PCBP2: variants seen among roughly 807,000 people sequenced by gnomAD.
The protein encoded by PCBP2 is poly(rC)-binding protein 2.
In PCBP2, 4 loss-of-function variants were observed where a neutral mutation model predicts 50.1. The observed-to-expected ratio is 0.08, with a 90% CI of 0.04 to 0.18. PCBP2 has a LOEUF of 0.18. Ranked by LOEUF, PCBP2 falls within the 10% of genes least tolerant of loss-of-function variation. The probability of loss-of-function intolerance (pLI) is 1.00; values close to 1 mark genes in which losing one functional copy is unlikely to be tolerated. For synonymous variants in PCBP2, 179 were observed against 168.0 expected, an observed-to-expected ratio of 1.07 and a Z score of -0.51; for missense variants, 161 against 474.3, an observed-to-expected ratio of 0.34 and a Z score of 6.14.
In PCBP2 at chr12:53,477,665, C is replaced by CAAAAAAAAAAAA. The variant is rs61213286; in HGVS notation, c.1053-1723_1053-1712dup. Among the ~76,000 whole-genome samples, 20 of 52,888 alleles carry CAAAAAAAAAAAA rather than the reference C, an allele frequency of 3.8e-4. 1 individual carries two copies. The East Asian group carries it at 4.9e-3, about 13-fold the overall frequency. 34.7% of individuals were successfully genotyped at this position (52,888 alleles called of 152,430 possible). A position where few individuals can be genotyped will look rare whatever the true frequency, so the allele number is the denominator to read the frequency against. On this transcript the variant is annotated intron_variant, in intron 14 of 14. Coordinates refer to ENST00000546463, the MANE Select transcript of PCBP2 (RefSeq NM_031989.5). ...TGGGTGACAAAGCAAGACTCTGTCT[C>CAAAAAAAAAAAA]AAAAAAAAAAAAAAAAAAAAAAAAA... is the stretch of plus-strand genomic sequence containing the variant.
chr12:53,457,932 T>G (rs938086803), intron 5 of PCBP2, among the ~76,000 whole-genome samples: 3 of 152,140 alleles, frequency 2.0e-5, no homozygotes, highest in South Asian at 2.1e-4. Flanking sequence ...AGGTTTGTTT[T>G]TTTTGTTTGT....
rs910902185 is a variant in PCBP2 at position 53,474,313 on chromosome 12, A to G, written c.1052+2506A>G. ...CATTCTTTGAAATTTGAAATTAGTC[A>G]GTGACCTACTTTGGACTCTTGTCTC... is the stretch of plus-strand genomic sequence containing the variant. On this transcript the variant is annotated intron_variant, in intron 14 of 14. Coordinates refer to ENST00000546463, the MANE Select transcript of PCBP2 (RefSeq NM_031989.5). Among the ~76,000 whole-genome samples, 42 of 152,244 alleles carry G rather than the reference A, an allele frequency of 2.8e-4. 2 individuals are homozygous for G. The highest frequency in any genetic ancestry group is 1.5e-5 in the Non-Finnish European group (1 of 68,042).
chr12:53,466,103 C>G, intron 10 of PCBP2, 130 bp downstream of exon 10: 1 of 775,022 alleles, frequency 1.3e-6, no homozygotes, highest in Non-Finnish European at 2.3e-6. Context: ...GTTTTCTTCA[C>G]AAGGTCAATC....
chr12:53,476,323 C>A (rs533643029), intron 14 of PCBP2, among the ~76,000 whole-genome samples: 4 of 152,256 alleles, frequency 2.6e-5, no homozygotes, highest in Non-Finnish European at 4.4e-5. Flanking sequence ...CCTCATTTTA[C>A]AGATTAAAAA....
intron 9 of PCBP2, among the ~76,000 whole-genome samples, chr12:53,465,463 A>C (rs1391508207): frequency 6.6e-6 from 1 of 152,136 alleles, no homozygotes; most frequent in Non-Finnish European, 1.5e-5. Flanking sequence ...ATAGAGAAAT[A>C]AGTTGGAGAA....
At chr12:53,475,827 G>A (rs757193000) in intron 14 of PCBP2, 1 of 152,212 alleles carries the variant, frequency 6.6e-6, no homozygotes. Flanking sequence ...GATCCTGAAG[G>A]TCCTCTGTAA....
rs752019559 is a variant in PCBP2, at chr12:53,459,266, C to T, written c.244-6C>T. On this transcript the variant is annotated splice_polypyrimidine_tract_variant and splice_region_variant and intron_variant, in intron 5 of 14. Coordinates refer to ENST00000546463, the MANE Select transcript of PCBP2 (RefSeq NM_031989.5). ...CTGCTTATTGTGGTGTTCTTTCTTT[C>T]TGTAGGACATAAGCAGCTCTATGAC... 1 of 1,595,470 alleles carries T rather than the reference C, an allele frequency of 6.3e-7. No homozygotes were observed. The highest frequency in any genetic ancestry group is 8.5e-7 in the Non-Finnish European group (1 of 1,170,604).
chr12:53,480,501 A>C lies in PCBP2; in HGVS notation c.*1059A>C, dbSNP rs1039857881. The C allele has an allele frequency of 3.3e-5, 5 of 152,576 alleles. No homozygotes were observed. Among genetic ancestry groups the C allele is most frequent in the African/African-American group, 1.2e-4 (5 of 41,424 alleles). The allele number at this position is 152,576 out of a possible 1,614,324, so 9.5% of individuals were successfully genotyped here. A position where few individuals can be genotyped will look rare whatever the true frequency, so the allele number is the denominator to read the frequency against. ...GAAAACCCTCAACAGCTGGGCCTGC[A>C]TGGAGTGTTATATTTCAAGGTTTTT... On this transcript the variant is annotated 3_prime_UTR_variant, in exon 15 of 15. Coordinates refer to ENST00000546463, the MANE Select transcript of PCBP2 (RefSeq NM_031989.5).
chr12:53,458,239 T>A (rs1941188815), intron 5 of PCBP2, among the ~76,000 whole-genome samples: 1 of 152,114 alleles, frequency 6.6e-6, no homozygotes. Flanking sequence ...GTTTTTAGTT[T>A]TCTAACAGGG....
chr12:53,471,927 T>G (rs1413717898), intron 14 of PCBP2, 120 bp downstream of exon 14: 4 of 764,142 alleles, frequency 5.2e-6, no homozygotes, highest in East Asian at 6.4e-5. Flanking sequence ...CCAAAAGGTT[T>G]TTTTTTTTTT....
intron 14 of PCBP2, chr12:53,475,450 CTTCT>C (rs1384271585): frequency 2.5e-5 from 7 of 284,806 alleles, no homozygotes; most frequent in South Asian, 2.2e-4. Flanking sequence ...ACAGTTTTCT[CTTCT>C]TTCTTGTTTG....
At position 53,481,066 on chromosome 12, in the gene PCBP2, T is replaced by G. The variant is rs1299715883; in HGVS notation, c.*1624T>G. On this transcript the variant is annotated 3_prime_UTR_variant, in exon 15 of 15. Coordinates refer to ENST00000546463, the MANE Select transcript of PCBP2 (RefSeq NM_031989.5). ...GGGATCAGTCTCCCTCGAGCCTGAC[T>G]TACGGCTGGGACAGCCCCATCTTTC... 1 of 362,608 alleles carries G rather than the reference T, an allele frequency of 2.8e-6. No homozygotes were observed. Among genetic ancestry groups the G allele is most frequent in the Non-Finnish European group, 4.2e-6 (1 of 239,314 alleles). 22.5% of individuals were successfully genotyped at this position (362,608 alleles called of 1,614,324 possible).
intron 14 of PCBP2, chr12:53,476,202 A>C (rs1203550311): frequency 6.6e-6 from 1 of 152,094 alleles, no homozygotes; most frequent in East Asian, 1.9e-4. Context: ...CCTTTTTTCT[A>C]TTCCTGGCCG....
At chr12:53,475,833 T>C (rs1942547097) in intron 14 of PCBP2, 1 of 152,200 alleles carries the variant, frequency 6.6e-6, no homozygotes, top group Admixed American at 6.5e-5. Flanking sequence ...GAAGGTCCTC[T>C]GTAATTGGCA....
chr12:53,461,041 A>G lies in PCBP2; in HGVS notation c.402A>G (p.Ala134=). 3 of 1,613,756 alleles carry G rather than the reference A, an allele frequency of 1.9e-6. No individual in the cohort carries two copies. Among genetic ancestry groups the G allele is most frequent in the South Asian group, 1.1e-5 (1 of 91,058 alleles). Reference sequence around the variant, plus strand: ...GTACAGGGGCTCAGGTCCAGGTGGCAGGGGATATGCTACCCAACTCAACTG... The same window carrying G: ...GTACAGGGGCTCAGGTCCAGGTGGCGGGGGATATGCTACCCAACTCAACTG... ...RESTGAQVQV[A]GDMLPNSTER... Residue 134 remains alanine, a synonymous_variant, in exon 7 of 15, where the codon GCA becomes GCG. Coordinates refer to ENST00000546463, the MANE Select transcript of PCBP2 (RefSeq NM_031989.5).
chr12:53,468,060 C>G (rs1334972895), intron 12 of PCBP2: 1 of 563,424 alleles, frequency 1.8e-6, no homozygotes, highest in African/African-American at 1.9e-5. Context: ...TAGCTGAGAT[C>G]AGGACTAAGC....
chr12:53,471,450 C>T lies in PCBP2; in HGVS notation c.883-188C>T, dbSNP rs181123204. The stretch of plus-strand genomic sequence containing the variant: ...AAAATTGGCTGGGCATGGTGGCATG[C>T]GCCTGTAGTCCTGCTGAGGCAGGTG... On this transcript the variant is annotated intron_variant, in intron 13 of 14. Coordinates refer to ENST00000546463, the MANE Select transcript of PCBP2 (RefSeq NM_031989.5). Among the ~76,000 whole-genome samples the T allele has an allele frequency of 4.3e-3, 646 of 151,762 alleles. 2 individuals are homozygous for T. Among genetic ancestry groups the T allele is most frequent in the Admixed American group, 0.019 (291 of 15,244 alleles).
In PCBP2 at chr12:53,471,864, G is replaced by A. The variant is rs1565871172; in HGVS notation, c.1052+57G>A. ...GCCAACACAGTAATGTGTGTGTTGG[G>A]GAGAGCTGCAGTGTATTAAATATGG... On this transcript the variant is annotated intron_variant, in intron 14 of 14. Transcript: ENST00000546463. 3.4e-6 allele frequency: 5 copies of A among 1,488,866 alleles called. No individual in the cohort carries two copies. In the East Asian group the frequency reaches 9.1e-5, roughly 27 times the overall value. 92.2% of individuals were successfully genotyped at this position (1,488,866 alleles called of 1,614,324 possible).
chr12:53,468,053 C>T, intron 12 of PCBP2: 1 of 580,000 alleles, frequency 1.7e-6, no homozygotes, highest in Admixed American at 3.0e-5. Context: ...GCAGCCATAG[C>T]TGAGATCAGG....
Sources: allele counts gnomAD v4.1 joint callset (sites outside exome capture counted in the v4.1 genomes callset), GRCh38; gene constraint gnomAD v4.1.1; transcripts MANE v1.5; gene names NCBI Gene and HGNC (gene_info 2026-07-23, HGNC 2026-07-21).